Variants in SLC9B1 observed in about 807,000 individuals in gnomAD.
SLC9B1 encodes the protein solute carrier family 9 member B1.
Under a neutral mutation model 51.7 loss-of-function variants are expected in SLC9B1, and 32 were observed. The observed-to-expected ratio is 0.62, with a 90% CI of 0.47 to 0.83. The LOEUF (loss-of-function observed/expected upper bound fraction) is 0.83, where lower values mean the gene tolerates loss of function less well. Among genes scored for constraint, SLC9B1 ranks in the 40% least tolerant of loss-of-function variants. The pLI is 0.00. For synonymous variants in SLC9B1, 145 were observed against 212.7 expected (o/e 0.68, Z 2.77); for missense variants, 406 against 613.2 (o/e 0.66, Z 3.57).
intron 3 of SLC9B1, among the ~76,000 whole-genome samples, chr4:102,956,290 A>T (rs1737808583): frequency 6.8e-6 from 1 of 147,970 alleles, no homozygotes; most frequent in Non-Finnish European, 1.5e-5. Context: ...ATTCACTATA[A>T]TAAATTAAAA....
downstream of SLC9B1, among the ~76,000 whole-genome samples, chr4:102,896,041 A>G (rs957592735): frequency 6.6e-6 from 1 of 152,218 alleles, no homozygotes; most frequent in African/African-American, 2.4e-5. Context: ...CCTGATTTAC[A>G]TGCCCTGGGA....
chr4:102,895,656 A>C (rs1734501071), intron 11 of SLC9B1, among the ~76,000 whole-genome samples: 1 of 152,212 alleles, frequency 6.6e-6, no homozygotes, highest in South Asian at 2.1e-4. Context: ...ATTTGATAAC[A>C]CGAAGGCCAA....
At chr4:102,906,752 A>T in intron 9 of SLC9B1, 108 bp from the exon 10 acceptor site, 1 of 684,690 alleles carries the variant, frequency 1.5e-6, no homozygotes, top group Non-Finnish European at 2.4e-6. Context: ...TATTTTAGAG[A>T]TGGGGTCTTG....
At chr4:102,939,011 AGAAAT>A (rs1248210178) in intron 6 of SLC9B1, among the ~76,000 whole-genome samples, 3 of 152,108 alleles carry the variant, frequency 2.0e-5, no homozygotes, top group Non-Finnish European at 4.4e-5. Flanking sequence ...GCAGAAGAAA[AGAAAT>A]AACCAAAATC....
chr4:103,015,248 G>A (rs566052135), intron 1 of SLC9B1, among the ~76,000 whole-genome samples: 2 of 145,302 alleles, frequency 1.4e-5, no homozygotes, highest in African/African-American at 5.1e-5. Flanking sequence ...AAAAGTACCA[G>A]CCTATGACAG....
intron 7 of SLC9B1, among the ~76,000 whole-genome samples, chr4:102,921,360 C>T (rs1237777833): frequency 6.6e-6 from 1 of 152,124 alleles, no homozygotes; most frequent in Admixed American, 6.5e-5. Context: ...CAAGCAAATG[C>T]TGAGAGATTT....
intron 1 of SLC9B1, among the ~76,000 whole-genome samples, chr4:102,999,056 G>A (rs980423377): frequency 2.0e-5 from 3 of 152,144 alleles, no homozygotes; most frequent in African/African-American, 7.2e-5. Flanking sequence ...GTCTTGCTGT[G>A]TAGCCCAGGC....
intron 1 of SLC9B1, among the ~76,000 whole-genome samples, chr4:102,992,635 C>T (rs1740003848): frequency 6.6e-6 from 1 of 152,070 alleles, no homozygotes; most frequent in South Asian, 2.1e-4. Context: ...GAATTTATAA[C>T]ATTATTAAAG....
intron 11 of SLC9B1, among the ~76,000 whole-genome samples, chr4:102,903,849 G>A (rs1488859636): frequency 6.6e-6 from 1 of 152,146 alleles, no homozygotes; most frequent in Non-Finnish European, 1.5e-5. Flanking sequence ...TAAGTGCCAG[G>A]GAGAAATAAT....
At chr4:102,888,291 C>T (rs529080686) in intron 11 of SLC9B1, 9 of 152,272 alleles carry the variant, frequency 5.9e-5, no homozygotes, top group African/African-American at 1.4e-4. Context: ...CCCTTGTATA[C>T]GCTAGGGACT....
intron 3 of SLC9B1, among the ~76,000 whole-genome samples, chr4:102,989,008 C>T (rs923911311): frequency 6.6e-6 from 1 of 152,012 alleles, no homozygotes; most frequent in African/African-American, 2.4e-5. Flanking sequence ...GGAGTCCAAT[C>T]ACTTACACTG....
intron 11 of SLC9B1, among the ~76,000 whole-genome samples, chr4:102,902,028 C>T (rs1476465662): frequency 6.6e-6 from 1 of 152,186 alleles, no homozygotes; most frequent in Non-Finnish European, 1.5e-5. Flanking sequence ...GTTTCTCTCT[C>T]CCTCACTCCT....
At chr4:103,003,493 GA>G (rs1233130106) in intron 1 of SLC9B1, among the ~76,000 whole-genome samples, 1 of 152,136 alleles carries the variant, frequency 6.6e-6, no homozygotes, top group Non-Finnish European at 1.5e-5. Flanking sequence ...AAACTATCTT[GA>G]AATATCTTTG....
intron 7 of SLC9B1, among the ~76,000 whole-genome samples, chr4:102,920,844 G>A (rs1207730070): frequency 3.3e-5 from 5 of 152,202 alleles, no homozygotes; most frequent in African/African-American, 9.7e-5. Flanking sequence ...AATAAAGTGA[G>A]AAGACAAGGT....
intron 9 of SLC9B1, 68 bp from the exon 10 acceptor site, chr4:102,906,712 T>C (rs1246390668): frequency 2.5e-6 from 2 of 811,476 alleles, no homozygotes; most frequent in East Asian, 6.0e-5. Flanking sequence ...CTTAAAGTCT[T>C]CCCCCCCCTT....
intron 3 of SLC9B1, among the ~76,000 whole-genome samples, chr4:102,968,192 A>T (rs1454756751): frequency 6.6e-6 from 1 of 152,248 alleles, no homozygotes; most frequent in African/African-American, 2.4e-5. Flanking sequence ...TTCAGAATCC[A>T]ACCCACATAA....
chr4:102,933,664 G>A (rs1248102827), intron 6 of SLC9B1, among the ~76,000 whole-genome samples: 1 of 152,158 alleles, frequency 6.6e-6, no homozygotes, highest in Non-Finnish European at 1.5e-5. Flanking sequence ...GCAGGCTTCA[G>A]TTTTTTCCAA....
chr4:102,902,974 G>C (rs1333692513), intron 11 of SLC9B1, among the ~76,000 whole-genome samples: 1 of 152,192 alleles, frequency 6.6e-6, no homozygotes. Flanking sequence ...TTAAATATTT[G>C]TTGATCTTAT....
intron 3 of SLC9B1, among the ~76,000 whole-genome samples, chr4:102,982,087 A>G (rs924094942): frequency 2.0e-5 from 3 of 151,612 alleles, no homozygotes; most frequent in African/African-American, 4.8e-5. Flanking sequence ...TTTAAGGTCT[A>G]TGTATAGATT....
Sources: allele counts gnomAD v4.1 joint callset (sites outside exome capture counted in the v4.1 genomes callset), GRCh38; gene constraint gnomAD v4.1.1; transcripts MANE v1.5; gene names NCBI Gene and HGNC (gene_info 2026-07-23, HGNC 2026-07-21).